LIPC: variants seen among roughly 807,000 people sequenced by gnomAD.
LIPC encodes the protein hepatic triacylglycerol lipase.
Under a neutral mutation model 50.7 loss-of-function variants are expected in LIPC, and 44 were observed. The ratio of observed to expected loss-of-function variants is 0.87; its 90% CI spans 0.68 to 1.11. The LOEUF (loss-of-function observed/expected upper bound fraction) is 1.11, where lower values mean the gene tolerates loss of function less well. Ranked by LOEUF, LIPC falls within the 50% of genes most tolerant of loss-of-function variation. LIPC has a pLI of 0.00. For synonymous variants in LIPC, 271 were observed against 256.4 expected (o/e 1.06, Z -0.54); for missense variants, 697 against 648.2 (o/e 1.08, Z -0.82).
chr15:58,493,554 TACA>T (rs1891659548), intron 1 of LIPC, among the ~76,000 whole-genome samples: 1 of 28,052 alleles, frequency 3.6e-5, no homozygotes, highest in African/African-American at 9.3e-5. Flanking sequence ...CAAAATTTAT[TACA>T]TATAAATAAA....
chr15:58,566,878 T>C (rs1275363676), intron 8 of LIPC, among the ~76,000 whole-genome samples: 1 of 152,148 alleles, frequency 6.6e-6, no homozygotes, highest in Non-Finnish European at 1.5e-5. Context: ...TTAGTAAAGA[T>C]GTGGAGAAAC....
intron 1 of LIPC, among the ~76,000 whole-genome samples, chr15:58,450,496 C>A (rs1893862068): frequency 1.3e-5 from 2 of 152,186 alleles, no homozygotes; most frequent in African/African-American, 4.8e-5. Flanking sequence ...GGAAAAAGAA[C>A]AGCACCGTCT....
intron 1 of LIPC, among the ~76,000 whole-genome samples, chr15:58,473,169 G>A (rs1166739029): frequency 6.6e-6 from 1 of 152,056 alleles, no homozygotes; most frequent in Non-Finnish European, 1.5e-5. Context: ...AGGCTGCTGG[G>A]GGCCTGTGTT....
intron 1 of LIPC, among the ~76,000 whole-genome samples, chr15:58,466,068 A>G (rs1473870454): frequency 6.6e-6 from 1 of 152,246 alleles, no homozygotes; most frequent in African/African-American, 2.4e-5. Flanking sequence ...TGCCTGTACT[A>G]AACTCACTTG....
At chr15:58,472,437 G>A (rs941370316) in intron 1 of LIPC, among the ~76,000 whole-genome samples, 34 of 151,984 alleles carry the variant, frequency 2.2e-4, no homozygotes, top group African/African-American at 8.0e-4. Flanking sequence ...TTAGCCAAGT[G>A]TGGTAGCATG....
chr15:58,440,837 C>G (rs1004798412), intron 1 of LIPC, among the ~76,000 whole-genome samples: 18 of 152,092 alleles, frequency 1.2e-4, no homozygotes, highest in African/African-American at 3.1e-4. Context: ...CATGAACCAG[C>G]CTTGCTTGAC....
At chr15:58,566,039 C>G (rs759539426) in intron 8 of LIPC, 13 of 983,920 alleles carry the variant, frequency 1.3e-5, no homozygotes, top group Non-Finnish European at 1.6e-5. Flanking sequence ...CAAACTTTCA[C>G]GAGCATACAA....
rs577901004 is a variant in LIPC at position 58,566,017 on chromosome 15, C to T, written c.1388+2294C>T. On this transcript the variant is annotated intron_variant, in intron 8 of 8. Coordinates refer to ENST00000299022, the MANE Select transcript of LIPC (RefSeq NM_000236.3). ...TAATTTTACTAACGGTGTGGTCCAT[C>T]CCAGGGCTTCTCAAACTTTCACGAG... The T allele has an allele frequency of 3.6e-5, 35 of 985,112 alleles. No individual in the cohort carries two copies. In the South Asian group the frequency reaches 1.4e-3, roughly 40 times the overall value. 61.0% of individuals were successfully genotyped at this position (985,112 alleles called of 1,614,324 possible). A position where few individuals can be genotyped will look rare whatever the true frequency, so the allele number is the denominator to read the frequency against.
rs140905041 is a variant in LIPC, at chr15:58,497,080, A to G, written c.89-41253A>G. On this transcript the variant is annotated intron_variant, in intron 1 of 8. Transcript: ENST00000299022. Reference sequence around the variant, plus strand: ...AGTAACTGGTTCCTTGGAGGTGTCCATTGGGAAGATGGCAGTAGTTAGAGC... The same window carrying G: ...AGTAACTGGTTCCTTGGAGGTGTCCGTTGGGAAGATGGCAGTAGTTAGAGC... Among the ~76,000 whole-genome samples, 1,334 of 152,348 alleles carry G rather than the reference A, an allele frequency of 8.8e-3. 21 individuals are homozygous for G. The highest frequency in any genetic ancestry group is 0.03 in the African/African-American group (1,267 of 41,578).
intron 1 of LIPC, among the ~76,000 whole-genome samples, chr15:58,470,164 T>G (rs1444860055): frequency 6.6e-6 from 1 of 152,124 alleles, no homozygotes; most frequent in Non-Finnish European, 1.5e-5. Flanking sequence ...ATTCATGGCC[T>G]CAAACAGTGC....
At chr15:58,547,268 T>G (rs1340192397) in intron 5 of LIPC, among the ~76,000 whole-genome samples, 1 of 152,228 alleles carries the variant, frequency 6.6e-6, no homozygotes, top group East Asian at 1.9e-4. Flanking sequence ...ACTGGATAAC[T>G]GCAGATTCAC....
intron 3 of LIPC, 44 bp from the exon 4 acceptor site, chr15:58,542,490 C>A: frequency 7.7e-7 from 1 of 1,296,758 alleles, no homozygotes; most frequent in Non-Finnish European, 1.1e-6. Context: ...AGGCTTTCAT[C>A]CAGGCAGCTC....
At chr15:58,524,273 G>A (rs1892738742) in intron 1 of LIPC, among the ~76,000 whole-genome samples, 1 of 152,214 alleles carries the variant, frequency 6.6e-6, no homozygotes, top group African/African-American at 2.4e-5. Context: ...TCAGTACAGA[G>A]TGTTTCTTTA....
chr15:58,500,348 T>C (rs1034071760), intron 1 of LIPC, among the ~76,000 whole-genome samples: 1 of 152,142 alleles, frequency 6.6e-6, no homozygotes, highest in Non-Finnish European at 1.5e-5. Flanking sequence ...GTGATGACGA[T>C]GTTGGAATCA....
At chr15:58,472,148 G>A (rs190233231) in intron 1 of LIPC, among the ~76,000 whole-genome samples, 28 of 151,410 alleles carry the variant, frequency 1.8e-4, no homozygotes, top group Admixed American at 3.3e-4. Flanking sequence ...GCACGTGCCT[G>A]TAATCCCAGC....
At chr15:58,455,081 A>G (rs1025419745) in intron 1 of LIPC, 5 of 152,258 alleles carry the variant, frequency 3.3e-5, no homozygotes, top group Admixed American at 3.3e-4. Context: ...CAACTCCGTT[A>G]TCAGTAACAT....
chr15:58,453,469 C>T (rs1893986443), intron 1 of LIPC, among the ~76,000 whole-genome samples: 1 of 152,182 alleles, frequency 6.6e-6, no homozygotes, highest in Admixed American at 6.5e-5. Flanking sequence ...ATTCTCCCAG[C>T]AATTCCTACT....
intron 1 of LIPC, among the ~76,000 whole-genome samples, chr15:58,442,371 A>G (rs1893536173): frequency 6.6e-6 from 1 of 152,232 alleles, no homozygotes; most frequent in African/African-American, 2.4e-5. Context: ...AAAGATTCCC[A>G]GACACCCGGA....
At chr15:58,467,067 G>C (rs12913605) in intron 1 of LIPC, among the ~76,000 whole-genome samples, 17,430 of 152,006 alleles carry the variant, frequency 0.11, 1,221 homozygotes, top group Non-Finnish European at 0.17. Context: ...AATAAACTTT[G>C]GCATGACGTT....
Sources: allele counts gnomAD v4.1 joint callset (sites outside exome capture counted in the v4.1 genomes callset), GRCh38; gene constraint gnomAD v4.1.1; transcripts MANE v1.5; gene names NCBI Gene and HGNC (gene_info 2026-07-23, HGNC 2026-07-21).